Variants in ST6GAL1 observed in about 807,000 individuals in gnomAD.
ST6GAL1 encodes the protein ST6 beta-galactoside alpha-2,6-sialyltransferase 1.
Under a neutral mutation model 38.0 loss-of-function variants are expected in ST6GAL1, and 20 were observed. That is an observed-to-expected ratio of 0.53 (90% CI 0.37 to 0.77). ST6GAL1 has a LOEUF of 0.77. Among genes scored for constraint, ST6GAL1 ranks in the 30% least tolerant of loss-of-function variants. The pLI is 0.00. For synonymous variants in ST6GAL1, 196 were observed against 188.2 expected (o/e 1.04, Z -0.34); for missense variants, 432 against 496.4 (o/e 0.87, Z 1.23).
chr3:187,022,732 C>A (rs1717374454), intron 2 of ST6GAL1, among the ~76,000 whole-genome samples: 1 of 152,276 alleles, frequency 6.6e-6, no homozygotes, highest in East Asian at 1.9e-4. Flanking sequence ...GCAGCCTTTT[C>A]CAAATATGTC....
Position 187,042,867 on chromosome 3 carries a change from C to T in ST6GAL1, c.164C>T (p.Ala55Val). The change falls in exon 4 of 8, where the codon GCC (alanine) becomes GTC (valine). Residue 55 changes from alanine (A) to valine (V), a missense_variant. Transcript: ENST00000169298. ...FQVLKSLGKL[A>V]MGSDSQSVSS... is the part of the protein sequence containing the mutation. ...GTGTTAAAGAGTCTGGGGAAATTGG[C>T]CATGGGGTCTGATTCCCAGTCTGTA... The T allele has an allele frequency of 6.2e-7, 1 of 1,614,148 alleles. No individual in the cohort carries two copies. The highest frequency in any genetic ancestry group is 8.5e-7 in the Non-Finnish European group (1 of 1,180,026).
intron 2 of ST6GAL1, among the ~76,000 whole-genome samples, chr3:187,017,507 C>T (rs1301065376): frequency 6.6e-6 from 1 of 152,144 alleles, no homozygotes; most frequent in Non-Finnish European, 1.5e-5. Flanking sequence ...AGGGTTACAC[C>T]AAGGGCCTTG....
intron 2 of ST6GAL1, among the ~76,000 whole-genome samples, chr3:187,018,532 A>G (rs1038449639): frequency 2.0e-5 from 3 of 152,184 alleles, no homozygotes; most frequent in Non-Finnish European, 4.4e-5. Context: ...GTTCGAGGGC[A>G]GGAAGCATCC....
intron 3 of ST6GAL1, among the ~76,000 whole-genome samples, chr3:187,039,551 A>T (rs999971646): frequency 2.6e-5 from 4 of 152,228 alleles, no homozygotes; most frequent in Non-Finnish European, 4.4e-5. Context: ...ATGCTGTCAG[A>T]GCTGGCAGGC....
intron 2 of ST6GAL1, among the ~76,000 whole-genome samples, chr3:186,971,182 G>C (rs572439212): frequency 1.3e-5 from 2 of 152,184 alleles, no homozygotes; most frequent in African/African-American, 4.8e-5. Flanking sequence ...TCCACCTCCC[G>C]GGTTCAAGCG....
At chr3:187,058,593 TTTG>T (rs1718802676) in intron 5 of ST6GAL1, among the ~76,000 whole-genome samples, 1 of 151,762 alleles carries the variant, frequency 6.6e-6, no homozygotes, top group African/African-American at 2.4e-5. Context: ...CCAATGCCTG[TTTG>T]TTGTTCAAAT....
chr3:187,030,155 G>A (rs147175509), intron 2 of ST6GAL1, among the ~76,000 whole-genome samples: 29 of 152,328 alleles, frequency 1.9e-4, no homozygotes, highest in African/African-American at 7.0e-4. Context: ...AAACAGTGTT[G>A]GAGCTAAAAT....
intron 5 of ST6GAL1, among the ~76,000 whole-genome samples, chr3:187,054,338 T>G (rs987230419): frequency 6.6e-6 from 1 of 152,210 alleles, no homozygotes; most frequent in African/African-American, 2.4e-5. Flanking sequence ...AACACTATGT[T>G]GAATAGGAGT....
intron 2 of ST6GAL1, among the ~76,000 whole-genome samples, chr3:186,984,811 C>A (rs1293195662): frequency 2.5e-5 from 1 of 40,350 alleles, no homozygotes; most frequent in Admixed American, 2.8e-4. Flanking sequence ...TTCCATCCTT[C>A]CTTCCTTCCT....
chr3:186,992,321 C>T (rs1166735541), intron 2 of ST6GAL1, among the ~76,000 whole-genome samples: 2 of 151,996 alleles, frequency 1.3e-5, no homozygotes, highest in Non-Finnish European at 2.9e-5. Context: ...GAGGAAGGTG[C>T]CTTGCTTCCC....
chr3:187,073,924 G>A (rs1450006552), intron 6 of ST6GAL1: 8 of 364,656 alleles, frequency 2.2e-5, no homozygotes, highest in African/African-American at 4.2e-5. Flanking sequence ...ATCTTGGGTC[G>A]CCAAGCTCAA....
intron 2 of ST6GAL1, chr3:186,974,944 G>A (rs1560147741): frequency 6.6e-6 from 1 of 152,172 alleles, no homozygotes; most frequent in East Asian, 1.9e-4. Context: ...TGCAATACCT[G>A]GTATTGCAGT....
intron 2 of ST6GAL1, among the ~76,000 whole-genome samples, chr3:187,023,541 A>G (rs906245790): frequency 6.6e-6 from 1 of 152,198 alleles, no homozygotes; most frequent in African/African-American, 2.4e-5. Context: ...TACACCATGG[A>G]ATACTATGCA....
chr3:187,070,731 G>T (rs955328914), intron 5 of ST6GAL1, among the ~76,000 whole-genome samples: 5 of 151,918 alleles, frequency 3.3e-5, no homozygotes, highest in African/African-American at 1.2e-4. Flanking sequence ...CCCAACACTC[G>T]CTCACTTTAT....
intron 2 of ST6GAL1, among the ~76,000 whole-genome samples, chr3:187,032,171 T>G (rs954101258): frequency 2.0e-5 from 3 of 152,226 alleles, no homozygotes; most frequent in African/African-American, 7.2e-5. Context: ...TTGGTTGATT[T>G]TTGAAAATCA....
At position 187,076,615 on chromosome 3, in the gene ST6GAL1, GT is replaced by G; in HGVS notation, c.*815del. 1 of 388,096 alleles carries G rather than the reference GT, an allele frequency of 2.6e-6. No homozygotes were observed. Among genetic ancestry groups the G allele is most frequent in the Non-Finnish European group, 4.5e-6 (1 of 220,256 alleles). 24.0% of individuals were successfully genotyped at this position (388,096 alleles called of 1,614,324 possible). Reference sequence around the variant, plus strand: ...AGGAGGGCCACGCACTTAAAACTGTGTTTGTGGATCAGAGAAGGCTTTATAG... The same window carrying G: ...AGGAGGGCCACGCACTTAAAACTGTGTTGTGGATCAGAGAAGGCTTTATAG... On this transcript the variant is annotated 3_prime_UTR_variant, in exon 8 of 8. Coordinates refer to ENST00000169298, the MANE Select transcript of ST6GAL1 (RefSeq NM_173216.2).
At chr3:186,979,538 G>GA (rs1441659320) in intron 2 of ST6GAL1, among the ~76,000 whole-genome samples, 1 of 152,120 alleles carries the variant, frequency 6.6e-6, no homozygotes, top group African/African-American at 2.4e-5. Context: ...AAGAGGAGTC[G>GA]AAACAGAGAC....
rs117967178 is a variant in ST6GAL1, at chr3:186,968,600, A to G, written c.-183+4674A>G. On this transcript the variant is annotated intron_variant, in intron 2 of 7. Coordinates refer to ENST00000169298, the MANE Select transcript of ST6GAL1 (RefSeq NM_173216.2). ...TTTCTCACACTATAGGTTCGTTTGC[A>G]TTTTCTGGAGCTTTATGTAAATGGA... Among the ~76,000 whole-genome samples the G allele has an allele frequency of 2.6e-5, 4 of 151,614 alleles. No individual in the cohort carries two copies. In the East Asian group the frequency reaches 7.8e-4, roughly 29 times the overall value.
chr3:187,034,119 C>CTAT (rs4012242), intron 2 of ST6GAL1, among the ~76,000 whole-genome samples: 73,979 of 151,720 alleles, frequency 0.49, 20,365 homozygotes, highest in African/African-American at 0.75. Flanking sequence ...TCTTTGGAGA[C>CTAT]TATTAATACC....
Sources: gnomAD v4.1 joint callset for allele counts (sites outside exome capture counted in the v4.1 genomes callset) on GRCh38, gnomAD v4.1.1 for gene constraint, MANE v1.5 for transcripts, NCBI Gene and HGNC (gene_info 2026-07-23, HGNC 2026-07-21) for gene names.